FAF1: variants seen among roughly 807,000 people sequenced by gnomAD.
The protein encoded by FAF1 is Fas associated factor 1.
FAF1 carries 25 observed loss-of-function variants against 92.5 expected under a neutral mutation model. The observed-to-expected ratio is 0.27, with a 90% confidence interval of 0.20 to 0.38. The LOEUF is 0.38. Among genes scored for constraint, FAF1 ranks in the 10% least tolerant of loss-of-function variants. The pLI is 1.00. For synonymous variants in FAF1, 234 were observed against 273.2 expected, an observed-to-expected ratio of 0.86 and a Z score of 1.42; for missense variants, 636 against 793.3, an observed-to-expected ratio of 0.80 and a Z score of 2.38.
chr1:50,569,503 A>G (rs1650329479), intron 12 of FAF1, among the ~76,000 whole-genome samples: 1 of 152,140 alleles, frequency 6.6e-6, no homozygotes, highest in African/African-American at 2.4e-5. Flanking sequence ...TGAACCTGGC[A>G]CCATTAACAA....
chr1:50,699,439 G>C (rs1183889404), intron 7 of FAF1, among the ~76,000 whole-genome samples: 1 of 151,882 alleles, frequency 6.6e-6, no homozygotes, highest in African/African-American at 2.4e-5. Flanking sequence ...TCCAAAGTAA[G>C]ATTATTAATT....
chr1:50,724,326 CA>C (rs1658556782), intron 6 of FAF1, among the ~76,000 whole-genome samples: 1 of 151,046 alleles, frequency 6.6e-6, no homozygotes, highest in Non-Finnish European at 1.5e-5. Context: ...CACACACACA[CA>C]CACCCCTGCT....
chr1:50,683,186 G>A (rs1328163654), intron 7 of FAF1, among the ~76,000 whole-genome samples: 1 of 151,980 alleles, frequency 6.6e-6, no homozygotes, highest in Non-Finnish European at 1.5e-5. Flanking sequence ...ATACATCATG[G>A]TTATGGAGGA....
intron 17 of FAF1, among the ~76,000 whole-genome samples, chr1:50,484,796 T>C (rs1472347233): frequency 1.3e-5 from 2 of 152,164 alleles, no homozygotes; most frequent in African/African-American, 4.8e-5. Flanking sequence ...TTTATCAGGC[T>C]TATACGTTAG....
chr1:50,804,908 G>C (rs1363648686), intron 2 of FAF1, among the ~76,000 whole-genome samples: 1 of 152,158 alleles, frequency 6.6e-6, no homozygotes, highest in Non-Finnish European at 1.5e-5. Context: ...CTGATCTAGG[G>C]CTCAGGAGAG....
At chr1:50,955,301 A>T (rs1395172772) in intron 1 of FAF1, among the ~76,000 whole-genome samples, 1 of 152,218 alleles carries the variant, frequency 6.6e-6, no homozygotes. Flanking sequence ...GGTAGGGGGA[A>T]CTTCATGATT....
At chr1:50,827,759 T>C (rs1223591264) in intron 2 of FAF1, among the ~76,000 whole-genome samples, 1 of 152,014 alleles carries the variant, frequency 6.6e-6, no homozygotes, top group Non-Finnish European at 1.5e-5. Context: ...AATAAAAATA[T>C]CTAACGAATA....
intron 15 of FAF1, among the ~76,000 whole-genome samples, chr1:50,520,417 C>T (rs548310639): frequency 9.2e-5 from 14 of 152,296 alleles, no homozygotes; most frequent in Admixed American, 6.5e-4. Context: ...AAATTGTCTA[C>T]GATCTGCAAA....
intron 8 of FAF1, among the ~76,000 whole-genome samples, chr1:50,614,975 A>G (rs1013250276): frequency 2.6e-5 from 4 of 152,092 alleles, no homozygotes; most frequent in African/African-American, 7.2e-5. Flanking sequence ...GGATTTTTAC[A>G]TGGGTATATT....
chr1:50,633,893 T>C (rs921018233), intron 8 of FAF1, among the ~76,000 whole-genome samples: 1 of 152,220 alleles, frequency 6.6e-6, no homozygotes, highest in African/African-American at 2.4e-5. Context: ...TTCAAATTTG[T>C]ACTTTGAAAG....
At chr1:50,811,177 A>G (rs1643905292) in intron 2 of FAF1, among the ~76,000 whole-genome samples, 1 of 152,150 alleles carries the variant, frequency 6.6e-6, no homozygotes, top group African/African-American at 2.4e-5. Context: ...TCTATAAAAA[A>G]ATACAGAAAT....
intron 2 of FAF1, among the ~76,000 whole-genome samples, chr1:50,843,990 C>T (rs754441236): frequency 2.6e-5 from 4 of 152,134 alleles, no homozygotes; most frequent in Admixed American, 1.3e-4. Context: ...AATTTACATT[C>T]CCACCAACAG....
chr1:50,576,628 G>A (rs907662295), intron 12 of FAF1, among the ~76,000 whole-genome samples: 6 of 119,576 alleles, frequency 5.0e-5, no homozygotes, highest in East Asian at 4.2e-4. Flanking sequence ...ACTCATCTCC[G>A]CACCGCCCCC....
At chr1:50,713,295 A>G (rs1444007272) in intron 6 of FAF1, among the ~76,000 whole-genome samples, 1 of 148,602 alleles carries the variant, frequency 6.7e-6, no homozygotes, top group Non-Finnish European at 1.5e-5. Flanking sequence ...GTTTTGAGAC[A>G]CAGTCTCTCA....
chr1:50,588,594 AGTG>A (rs1364855967), intron 9 of FAF1, among the ~76,000 whole-genome samples: 5 of 152,052 alleles, frequency 3.3e-5, no homozygotes, highest in African/African-American at 1.2e-4. Flanking sequence ...CAAGATACCA[AGTG>A]GTGTGTGTGT....
At chr1:50,497,751 T>C (rs1380455629) in intron 15 of FAF1, among the ~76,000 whole-genome samples, 1 of 151,896 alleles carries the variant, frequency 6.6e-6, no homozygotes, top group Non-Finnish European at 1.5e-5. Flanking sequence ...GGTTTCACCA[T>C]CTTGGCCAGG....
intron 4 of FAF1, among the ~76,000 whole-genome samples, chr1:50,750,251 C>G (rs1002785306): frequency 1.3e-5 from 2 of 152,206 alleles, no homozygotes; most frequent in African/African-American, 4.8e-5. Context: ...AAGAACAAAT[C>G]ACTGAATCCA....
rs868463917 is a variant in FAF1, at chr1:50,533,615, A to G, written c.1494+1754T>C. ...GTTCAGGGCTATATTAAAATTGTCT[A>G]TATGTTTCACATTTGCAATACCTAA... is the stretch of plus-strand genomic sequence containing the variant. On this transcript the variant is annotated intron_variant, in intron 15 of 18. Coordinates refer to ENST00000396153, the MANE Select transcript of FAF1 (RefSeq NM_007051.3). 9.9e-4 allele frequency among the ~76,000 whole-genome samples: 150 copies of G among 152,254 alleles called. 1 individual carries two copies. Among genetic ancestry groups the G allele is most frequent in the African/African-American group, 3.4e-3 (143 of 41,540 alleles).
intron 7 of FAF1, among the ~76,000 whole-genome samples, chr1:50,701,161 C>T (rs751867793): frequency 1.3e-5 from 2 of 151,906 alleles, no homozygotes; most frequent in African/African-American, 2.4e-5. Context: ...AAATGTCATT[C>T]GTGATTTCAA....
Sources: gnomAD v4.1 joint callset for allele counts (sites outside exome capture counted in the v4.1 genomes callset) on GRCh38, gnomAD v4.1.1 for gene constraint, MANE v1.5 for transcripts, NCBI Gene and HGNC (gene_info 2026-07-23, HGNC 2026-07-21) for gene names.